Variants in PABPC4L observed in about 807,000 individuals in gnomAD.
PABPC4L encodes poly(A) binding protein cytoplasmic 4 like, also known as polyadenylate-binding protein 4-like.
For synonymous variants in PABPC4L, 169 were observed against 164.1 expected (o/e 1.03, Z -0.23); for missense variants, 452 against 451.4 (o/e 1.00, Z -0.01).
At chr4:134,140,035 T>C in the PABPC4L span, among the ~76,000 whole-genome samples, 13 of 151,874 alleles carry the variant, frequency 8.6e-5, no homozygotes, top group Admixed American at 1.3e-4. Context: ...ATAATTTTAG[T>C]AGCAAAAGCT....
the PABPC4L span, among the ~76,000 whole-genome samples, chr4:134,173,891 C>A: frequency 2.0e-5 from 3 of 151,832 alleles, no homozygotes; most frequent in South Asian, 6.2e-4. Flanking sequence ...TAAAATTTAA[C>A]CTGATGGTAC....
the PABPC4L span, among the ~76,000 whole-genome samples, chr4:134,043,071 G>A: frequency 1.3e-5 from 2 of 151,926 alleles, no homozygotes; most frequent in African/African-American, 2.4e-5. Context: ...CAAATTTCTT[G>A]GAATTAATAA....
At chr4:134,195,234 G>T (rs2126196118), downstream of PABPC4L, among the ~76,000 whole-genome samples, 1 of 151,756 alleles carries the variant, frequency 6.6e-6, no homozygotes, top group South Asian at 2.1e-4. Context: ...ACAAAGATTT[G>T]CTGGAACTAC....
At chr4:134,070,035 GT>G in the PABPC4L span, among the ~76,000 whole-genome samples, 5 of 150,136 alleles carry the variant, frequency 3.3e-5, no homozygotes, top group Non-Finnish European at 5.9e-5. Context: ...GCCCTTGGGG[GT>G]TTGATTTTTG....
the PABPC4L span, among the ~76,000 whole-genome samples, chr4:133,991,689 T>C: frequency 4.6e-5 from 7 of 152,216 alleles, no homozygotes; most frequent in African/African-American, 1.4e-4. Context: ...CTTTTGTGTC[T>C]GACCTGGGAC....
the PABPC4L span, among the ~76,000 whole-genome samples, chr4:134,105,360 G>A: frequency 1.3e-5 from 2 of 151,400 alleles, no homozygotes; most frequent in Admixed American, 1.3e-4. Context: ...AAACATGCAT[G>A]GTTATATCAC....
the PABPC4L span, among the ~76,000 whole-genome samples, chr4:134,135,702 A>G: frequency 4.6e-5 from 7 of 152,122 alleles, no homozygotes; most frequent in Non-Finnish European, 8.8e-5. Flanking sequence ...GCATGGTGGC[A>G]CATGCCTATA....
At chr4:134,053,656 A>T in the PABPC4L span, among the ~76,000 whole-genome samples, 1 of 152,128 alleles carries the variant, frequency 6.6e-6, no homozygotes, top group Non-Finnish European at 1.5e-5. Context: ...TTTCCTAAGG[A>T]TATGAGCATC....
chr4:133,997,267 A>G, the PABPC4L span, among the ~76,000 whole-genome samples: 1 of 152,198 alleles, frequency 6.6e-6, no homozygotes, highest in Non-Finnish European at 1.5e-5. Flanking sequence ...TGAAGAATAC[A>G]TGTCAAAAGC....
chr4:134,200,369 C>T lies in PABPC4L; in HGVS notation c.651G>A (p.Leu217=). ...KDVFSKYGKT[L]SVKVMTDSSG... The stretch of plus-strand genomic sequence containing the variant: ...TGGAATCTGTCATCACCTTAACACT[C>T]AGAGTTTTGCCATATTTGCTGAAAA... Residue 217 remains leucine (L), a synonymous_variant, in exon 2 of 2, where the codon CTG becomes CTA. Transcript: ENST00000421491. 3.2e-6 allele frequency: 5 copies of T among 1,585,154 alleles called. No individual in the cohort carries two copies. The highest frequency in any genetic ancestry group is 4.3e-6 in the Non-Finnish European group (5 of 1,164,134).
At chr4:133,957,399 A>G in the PABPC4L span, among the ~76,000 whole-genome samples, 4 of 152,294 alleles carry the variant, frequency 2.6e-5, no homozygotes, top group East Asian at 1.9e-4. Flanking sequence ...ATGGGCTTCT[A>G]TGGCCTTCAG....
the PABPC4L span, among the ~76,000 whole-genome samples, chr4:134,027,050 T>C: frequency 6.6e-6 from 1 of 152,184 alleles, no homozygotes; most frequent in South Asian, 2.1e-4. Context: ...TAATATACCC[T>C]GTTACTTGTG....
the PABPC4L span, among the ~76,000 whole-genome samples, chr4:134,071,902 G>C: frequency 6.6e-6 from 1 of 152,052 alleles, no homozygotes; most frequent in South Asian, 2.1e-4. Context: ...CAGGAGTATA[G>C]AAAAAGTGGA....
the PABPC4L span, among the ~76,000 whole-genome samples, chr4:134,039,649 CT>C: frequency 1.3e-5 from 2 of 151,788 alleles, no homozygotes; most frequent in African/African-American, 2.4e-5. Context: ...GCAAGCCCTG[CT>C]TTTTTTTGCT....
rs761884078 is a variant in PABPC4L at position 134,200,346 on chromosome 4, G to T, written c.674C>A (p.Ser225Tyr). The change falls in exon 2 of 2, where the codon TCC becomes TAC. Residue 225 changes from serine to tyrosine, a missense_variant. Transcript: ENST00000421491. The stretch of plus-strand genomic sequence containing the variant: ...GCCAAAGCCTTTGGATTTCCCACTG[G>T]AATCTGTCATCACCTTAACACTCAG... ...KTLSVKVMTDSSGKSKGFGFV... is the reference protein window; with the variant it reads ...KTLSVKVMTDYSGKSKGFGFV... 6.3e-7 allele frequency: 1 copy of T among 1,594,778 alleles called. No homozygotes were observed. The highest frequency in any genetic ancestry group is 1.1e-5 in the South Asian group (1 of 88,162).
chr4:134,109,942 C>T, the PABPC4L span, among the ~76,000 whole-genome samples: 1 of 151,932 alleles, frequency 6.6e-6, no homozygotes, highest in African/African-American at 2.4e-5. Context: ...ATTCTGCAAA[C>T]AATATTTATA....
chr4:133,987,097 C>T, the PABPC4L span, among the ~76,000 whole-genome samples: 3 of 152,270 alleles, frequency 2.0e-5, no homozygotes, highest in Admixed American at 6.5e-5. Flanking sequence ...AAATGTAACT[C>T]ATCTAACAAT....
chr4:134,166,239 C>G, the PABPC4L span, among the ~76,000 whole-genome samples: 7 of 151,686 alleles, frequency 4.6e-5, no homozygotes, highest in Non-Finnish European at 1.0e-4. Context: ...TATAGTTCGT[C>G]TATGTAAGGA....
the PABPC4L span, among the ~76,000 whole-genome samples, chr4:133,997,439 A>G: frequency 6.6e-6 from 1 of 152,134 alleles, no homozygotes; most frequent in Non-Finnish European, 1.5e-5. Flanking sequence ...GCCTGCTAGC[A>G]TGACATCCAT....
Sources: allele counts gnomAD v4.1 joint callset (sites outside exome capture counted in the v4.1 genomes callset), GRCh38; gene constraint gnomAD v4.1.1; transcripts MANE v1.5; gene names NCBI Gene and HGNC (gene_info 2026-07-23, HGNC 2026-07-21).